Variants in SAMMSON observed in about 807,000 individuals in gnomAD.
SAMMSON encodes the protein survival associated mitochondrial melanoma specific oncogenic non-coding RNA, also known as long intergenic non-protein coding RNA 1212.
chr3:70,002,421 C>T (rs984240361), intron 1 of SAMMSON, among the ~76,000 whole-genome samples: 5 of 151,928 alleles, frequency 3.3e-5, no homozygotes, highest in South Asian at 2.1e-4. Flanking sequence ...GTTGAATTTA[C>T]GAAAAGTGAC....
At chr3:70,137,458 G>A (rs2067510546) in intron 4 of SAMMSON, 1 of 152,118 alleles carries the variant, frequency 6.6e-6, no homozygotes. Context: ...ACATGAAATT[G>A]AAATCACAGT....
At chr3:70,400,260 G>C (rs896507373) in intron 2 of SAMMSON, among the ~76,000 whole-genome samples, 4 of 152,274 alleles carry the variant, frequency 2.6e-5, no homozygotes, top group Non-Finnish European at 5.9e-5. Context: ...GTTGAATTTT[G>C]ACCCTGAAGA....
At chr3:70,024,086 T>G (rs1204331390) in intron 3 of SAMMSON, among the ~76,000 whole-genome samples, 1 of 152,178 alleles carries the variant, frequency 6.6e-6, no homozygotes, top group Admixed American at 6.5e-5. Context: ...GTCTACGCAA[T>G]TCTGCCTGGG....
In SAMMSON at chr3:70,344,227, C is replaced by T. The variant is rs1702732926; in HGVS notation, n.740-9948C>T. ...ACCTGTCACACCTCCCTATCCCATA[C>T]CTGTATAAACCCCAAGCCCCCAGTT... On this transcript the variant is annotated intron_variant and non_coding_transcript_variant, in intron 7 of 9. Transcript: ENST00000642114. Among the ~76,000 whole-genome samples the T allele has an allele frequency of 2.0e-5, 3 of 152,124 alleles. No homozygotes were observed. The South Asian group carries it at 6.2e-4, about 32-fold the overall frequency.
chr3:70,039,774 G>C (rs1393611642), intron 3 of SAMMSON, among the ~76,000 whole-genome samples: 2 of 151,880 alleles, frequency 1.3e-5, no homozygotes, highest in Non-Finnish European at 2.9e-5. Flanking sequence ...TCTTAGAAGT[G>C]GTCCCTGCAG....
At chr3:70,185,373 C>G (rs6419770) in intron 4 of SAMMSON, among the ~76,000 whole-genome samples, 129,062 of 152,132 alleles carry the variant, frequency 0.85, 55,326 homozygotes, top group African/African-American at 0.9. Flanking sequence ...CGGGAGCTCA[C>G]ATGTAGCTGG....
chr3:70,253,522 G>A (rs1042151046), intron 6 of SAMMSON, among the ~76,000 whole-genome samples: 1 of 152,220 alleles, frequency 6.6e-6, no homozygotes. Flanking sequence ...GGGAGGCCAA[G>A]ATAGGAAGCC....
intron 6 of SAMMSON, among the ~76,000 whole-genome samples, chr3:70,266,082 C>A (rs2106666188): frequency 6.6e-6 from 1 of 152,138 alleles, no homozygotes; most frequent in East Asian, 1.9e-4. Context: ...GTCTTTTGAG[C>A]CAAGTTTATT....
Position 70,198,061 on chromosome 3 carries a change from T to C in SAMMSON, n.508-51046T>C, listed in dbSNP as rs1271484592. On this transcript the variant is annotated intron_variant and non_coding_transcript_variant, in intron 4 of 9. Transcript: ENST00000642114. ...AGTTCTCTTGTTAAAATTTTAACTT[T>C]TCTTTCTTTTAAGTTAAAAAAGTCT... 2.6e-5 allele frequency among the ~76,000 whole-genome samples: 4 copies of C among 152,280 alleles called. No individual in the cohort carries two copies. In the East Asian group the frequency reaches 5.8e-4, roughly 22 times the overall value.
chr3:70,134,815 G>A (rs532991256), intron 4 of SAMMSON, among the ~76,000 whole-genome samples: 2 of 152,080 alleles, frequency 1.3e-5, no homozygotes, highest in African/African-American at 2.4e-5. Context: ...GAATGGCAGT[G>A]TGTGTCAGTT....
At chr3:70,241,222 CT>C (rs926898110) in intron 4 of SAMMSON, among the ~76,000 whole-genome samples, 2 of 152,230 alleles carry the variant, frequency 1.3e-5, no homozygotes, top group African/African-American at 4.8e-5. Context: ...CATATTTCTA[CT>C]TTAAAACTCC....
intron 4 of SAMMSON, among the ~76,000 whole-genome samples, chr3:70,158,487 A>G (rs9847642): frequency 0.39 from 58,703 of 151,594 alleles, 11,895 homozygotes; most frequent in East Asian, 0.72. Flanking sequence ...TCCAAGTTTT[A>G]GCTATTATGG....
At chr3:70,072,332 T>G (rs1383703968) in intron 4 of SAMMSON, 1 of 151,892 alleles carries the variant, frequency 6.6e-6, no homozygotes, top group Non-Finnish European at 1.5e-5. Context: ...GCTACCCGCT[T>G]GGCTTCTCGC....
chr3:70,377,307 A>G (rs1254467460), intron 9 of SAMMSON, among the ~76,000 whole-genome samples: 1 of 152,134 alleles, frequency 6.6e-6, no homozygotes, highest in Non-Finnish European at 1.5e-5. Flanking sequence ...ACATAGAAAG[A>G]GACACATATT....
rs548004501 is a variant in SAMMSON, at chr3:70,006,187, C to CA, written n.23-6163dup. On this transcript the variant is annotated intron_variant and non_coding_transcript_variant, in intron 1 of 9. Transcript: ENST00000642114. ...GATAAAACAGATTAGTGTCATTAGG[C>CA]AAAAAAAGAACATGCACCAATTACA... Among the ~76,000 whole-genome samples the CA allele has an allele frequency of 2.3e-4, 35 of 152,074 alleles. 1 individual carries two copies. In the South Asian group the frequency reaches 7.1e-3, roughly 31 times the overall value.
At chr3:70,068,706 A>G (rs2107593995) in intron 3 of SAMMSON, 1 of 152,252 alleles carries the variant, frequency 6.6e-6, no homozygotes, top group Admixed American at 6.5e-5. Flanking sequence ...GTTTTGGAGA[A>G]AAAATATTGG....
intron 9 of SAMMSON, among the ~76,000 whole-genome samples, chr3:70,384,003 T>G (rs1441862551): frequency 6.6e-6 from 1 of 151,908 alleles, no homozygotes; most frequent in Non-Finnish European, 1.5e-5. Flanking sequence ...ATGTCCTTGG[T>G]GGGGAGTGAA....
chr3:70,337,091 ATAATAATATCTAACTTAATATTCTTAT>A (rs1559566765), intron 7 of SAMMSON, among the ~76,000 whole-genome samples: 15 of 40,024 alleles, frequency 3.7e-4, no homozygotes, highest in Admixed American at 1.5e-3. Context: ...ATTCTTATTA[ATAATAATATCTAACTTAATATTCTTAT>A]TAATAATAAT....
intron 2 of SAMMSON, among the ~76,000 whole-genome samples, chr3:70,432,832 A>G (rs948215906): frequency 6.6e-6 from 1 of 152,026 alleles, no homozygotes; most frequent in African/African-American, 2.4e-5. Flanking sequence ...TCTTTCACCC[A>G]GAATCCCTCA....
Sources: allele counts gnomAD v4.1 joint callset (sites outside exome capture counted in the v4.1 genomes callset), GRCh38; gene constraint gnomAD v4.1.1; transcripts MANE v1.5; gene names NCBI Gene and HGNC (gene_info 2026-07-23, HGNC 2026-07-21).